CUL9: variants seen among roughly 807,000 people sequenced by gnomAD.
CUL9 encodes the protein cullin 9.
In CUL9, 79 loss-of-function variants were observed where a neutral mutation model predicts 272.6. The observed-to-expected ratio is 0.29, with a 90% CI of 0.24 to 0.35. The LOEUF (loss-of-function observed/expected upper bound fraction) is 0.35, where lower values mean the gene tolerates loss of function less well. Among genes scored for constraint, CUL9 ranks in the 10% least tolerant of loss-of-function variants. The pLI is 1.00. For synonymous variants in CUL9, 1,186 were observed against 1,286.5 expected (o/e 0.92, Z 1.67); for missense variants, 2,532 against 3,255.6 (o/e 0.78, Z 5.41).
chr6:43,188,361 G>C (rs1478354555), intron 7 of CUL9, 162 bp from the exon 8 acceptor site: 2 of 828,478 alleles, frequency 2.4e-6, no homozygotes, highest in African/African-American at 1.7e-5. Flanking sequence ...CATCTCCTTT[G>C]TTTGATCATT....
At chr6:43,191,143 T>C (rs1421436094) in intron 8 of CUL9, among the ~76,000 whole-genome samples, 1 of 152,152 alleles carries the variant, frequency 6.6e-6, no homozygotes, top group Non-Finnish European at 1.5e-5. Context: ...GATTTTGTTT[T>C]TTTTAAATTT....
rs1774829054 is a variant in CUL9 at position 43,203,798 on chromosome 6, G to T, written c.4026-56G>T. On this transcript the variant is annotated intron_variant, in intron 19 of 40. Transcript: ENST00000252050. The surrounding 1 kb of genome is among the most constrained non-coding windows in gnomAD (Gnocchi z 5.0). ...TTGGGAGCTGATCTGCACTTGAATG[G>T]AGGCCTCTGGGAAATCGGTGCCATT... 2.6e-6 allele frequency: 4 copies of T among 1,555,178 alleles called. No individual in the cohort carries two copies.
At chr6:43,192,562 G>A (rs902283020) in intron 8 of CUL9, among the ~76,000 whole-genome samples, 20 of 152,136 alleles carry the variant, frequency 1.3e-4, no homozygotes, top group African/African-American at 4.8e-4. Flanking sequence ...TGTAGTCCCA[G>A]CTACTCAAGA....
intron 11 of CUL9, chr6:43,198,313 AATC>A (rs1774193804): frequency 1.0e-6 from 1 of 978,990 alleles, no homozygotes; most frequent in African/African-American, 1.7e-5. Context: ...ACAGGGATAT[AATC>A]ATCATAGTTA....
At chr6:43,186,896 C>T in intron 4 of CUL9, 64 bp from the exon 5 acceptor site, 1 of 1,577,908 alleles carries the variant, frequency 6.3e-7, no homozygotes, top group Non-Finnish European at 8.6e-7. Flanking sequence ...CAAGCCTTCA[C>T]AGGCCAAGGC....
At chr6:43,202,934 G>T (rs1028752810) in intron 17 of CUL9, 113 bp downstream of exon 17, 2 of 1,241,668 alleles carry the variant, frequency 1.6e-6, no homozygotes, top group Non-Finnish European at 2.3e-6. Flanking sequence ...CCTTGGGAAG[G>T]TGTTGCCTTG....
At chr6:43,214,483 C>T (rs1297137724) in intron 29 of CUL9, among the ~76,000 whole-genome samples, 2 of 151,716 alleles carry the variant, frequency 1.3e-5, no homozygotes, top group Non-Finnish European at 2.9e-5. Context: ...TTTCATTTGA[C>T]AGATAAGAAC....
chr6:43,183,036 GA>G (rs1392765632), intron 1 of CUL9, among the ~76,000 whole-genome samples: 2 of 152,120 alleles, frequency 1.3e-5, no homozygotes, highest in Non-Finnish European at 2.9e-5. Flanking sequence ...CTAAATTCAT[GA>G]AGTAACTATG....
rs902550569 is a variant in CUL9, at chr6:43,220,418, C to T, written c.6283-41C>T. Reference sequence around the variant, plus strand: ...CCAGGACACTCCCCCTGTGCTGCTCCCACACTGTCTGTGAGCAGCCCCTCC... The same window carrying T: ...CCAGGACACTCCCCCTGTGCTGCTCTCACACTGTCTGTGAGCAGCCCCTCC... On this transcript the variant is annotated intron_variant, in intron 31 of 40. Transcript: ENST00000252050. The surrounding 1 kb of genome is among the most constrained non-coding windows in gnomAD (Gnocchi z 4.9). 1.9e-6 allele frequency: 3 copies of T among 1,610,562 alleles called. No individual in the cohort carries two copies. The highest frequency in any genetic ancestry group is 2.5e-6 in the Non-Finnish European group (3 of 1,177,680).
chr6:43,184,962 A>C lies in CUL9; in HGVS notation c.595+57A>C. 1.5e-6 allele frequency: 2 copies of C among 1,314,288 alleles called. No individual in the cohort carries two copies. Among genetic ancestry groups the C allele is most frequent in the Admixed American group, 4.6e-5 (2 of 43,448 alleles). The allele number at this position is 1,314,288 out of a possible 1,614,324, so 81.4% of individuals were successfully genotyped here. A position where few individuals can be genotyped will look rare whatever the true frequency, so the allele number is the denominator to read the frequency against. The stretch of plus-strand genomic sequence containing the variant: ...TGGAGAAAATGGGGCCACAGGGAAT[A>C]AGAAAGAGGAGAGATTTCCTAGCTC... On this transcript the variant is annotated intron_variant, in intron 2 of 40. Coordinates refer to ENST00000252050, the MANE Select transcript of CUL9 (RefSeq NM_015089.4). The surrounding 1 kb of genome is among the most constrained non-coding windows in gnomAD (Gnocchi z 4.8).
rs946382418 is a variant in CUL9 at position 43,204,293 on chromosome 6, C to T, written c.4160-67C>T. 16 of 1,567,696 alleles carry T rather than the reference C, an allele frequency of 1.0e-5. No individual in the cohort carries two copies. In the African/African-American group the frequency reaches 1.9e-4, roughly 19 times the overall value. ...TTTTGTACAATTGATCTTTCTCCCT[C>T]CTCTGCCCTGAGCTGTCTGTTCTCC... On this transcript the variant is annotated intron_variant, in intron 20 of 40. Coordinates refer to ENST00000252050, the MANE Select transcript of CUL9 (RefSeq NM_015089.4).
At chr6:43,188,272 C>T in intron 7 of CUL9, 154 bp downstream of exon 7, 2 of 942,638 alleles carry the variant, frequency 2.1e-6, no homozygotes, top group African/African-American at 3.3e-5. Context: ...TTCCTTTTGA[C>T]CTTGATTGTA....
intron 31 of CUL9, among the ~76,000 whole-genome samples, chr6:43,217,015 T>C (rs942445838): frequency 1.3e-5 from 2 of 152,210 alleles, no homozygotes; most frequent in South Asian, 2.1e-4. Context: ...CACATCTCAG[T>C]GCACTATCAC....
At chr6:43,214,884 G>T (rs543993721) in intron 29 of CUL9, among the ~76,000 whole-genome samples, 195 bp from the exon 30 acceptor site, 7 of 152,226 alleles carry the variant, frequency 4.6e-5, no homozygotes, top group African/African-American at 1.7e-4. Flanking sequence ...GGCTCATGCA[G>T]GAGGATTACT....
intron 29 of CUL9, among the ~76,000 whole-genome samples, chr6:43,214,295 C>T (rs936728454): frequency 2.0e-5 from 3 of 152,100 alleles, no homozygotes; most frequent in African/African-American, 7.2e-5. Flanking sequence ...TGGCACATGC[C>T]TGTAATCCCA....
chr6:43,200,728 C>T lies in CUL9; in HGVS notation c.3541C>T (p.Arg1181Ter), dbSNP rs1774452113. 3 of 1,614,222 alleles carry T rather than the reference C, an allele frequency of 1.9e-6. No individual in the cohort carries two copies. Among genetic ancestry groups the T allele is most frequent in the Non-Finnish European group, 2.5e-6 (3 of 1,180,040 alleles). ...EKVEVSSNPH[R>*]ASKLTDHNPK... ...GGTGGAGGTGTCCTCCAACCCGCAC[C>T]GAGCCAGCAAGCTGACGGACCACAA... The change falls in exon 16 of 41, where the codon CGA becomes TGA. Residue 1181 changes from arginine (R) to a stop codon, truncating the protein, a stop_gained. Coordinates refer to ENST00000252050, the MANE Select transcript of CUL9 (RefSeq NM_015089.4). LOFTEE classifies it high-confidence loss of function. This position sits in a 1 kb window ranked among gnomAD's most constrained non-coding sequence, Gnocchi z 4.0.
chr6:43,201,253 G>T (rs1774504939), intron 16 of CUL9, among the ~76,000 whole-genome samples: 1 of 152,204 alleles, frequency 6.6e-6, no homozygotes, highest in Admixed American at 6.5e-5. Flanking sequence ...AAAAAGCATT[G>T]TGGTCCACAT....
intron 1 of CUL9, among the ~76,000 whole-genome samples, chr6:43,182,782 A>G (rs16896322): frequency 0.14 from 20,670 of 151,834 alleles, 1,655 homozygotes; most frequent in African/African-American, 0.23. Flanking sequence ...CCTGACCACT[A>G]TATCTTCATC....
rs545998323 is a variant in CUL9, at chr6:43,206,314, C to T, written c.5023-7C>T. On this transcript the variant is annotated splice_region_variant and splice_polypyrimidine_tract_variant and intron_variant, in intron 25 of 40. Coordinates refer to ENST00000252050, the MANE Select transcript of CUL9 (RefSeq NM_015089.4). The surrounding 1 kb of genome is among the most constrained non-coding windows in gnomAD (Gnocchi z 4.8). ...CCAAGGGCCCTTGAAATCCTTCTGTCCCTCAGGAGGAAGAGGAGGAAGAGG... is the reference window on the plus strand; with the variant it reads ...CCAAGGGCCCTTGAAATCCTTCTGTTCCTCAGGAGGAAGAGGAGGAAGAGG... The T allele has an allele frequency of 3.5e-5, 57 of 1,613,772 alleles. 2 individuals carry two copies. In the South Asian group the frequency reaches 5.5e-4, roughly 16 times the overall value.
Sources: allele counts gnomAD v4.1 joint callset (sites outside exome capture counted in the v4.1 genomes callset), GRCh38; gene constraint gnomAD v4.1.1; non-coding constraint Gnocchi (gnomAD v3.1); transcripts MANE v1.5; gene names NCBI Gene and HGNC (gene_info 2026-07-23, HGNC 2026-07-21).